The following PKD1 variants were observed in gnomAD, a reference collection of about 807,000 sequenced individuals.
The protein encoded by PKD1 is polycystin-1.
PKD1 carries 81 observed loss-of-function variants against 361.7 expected under a neutral mutation model. That is an observed-to-expected ratio of 0.22 (90% CI 0.19 to 0.27). The LOEUF is 0.27. Among genes scored for constraint, PKD1 ranks in the 10% least tolerant of loss-of-function variants. PKD1 has a pLI of 1.00. For synonymous variants in PKD1, 3,615 were observed against 2,818.3 expected, an observed-to-expected ratio of 1.28 and a Z score of -8.95; for missense variants, 6,399 against 6,118.3, an observed-to-expected ratio of 1.05 and a Z score of -1.53.
In PKD1 at chr16:2,113,200, G is replaced by A. The variant is rs1346394477; in HGVS notation, c.2946C>T (p.Phe982=). The change falls in exon 12 of 46, where the codon TTC becomes TTT. Residue 982 remains phenylalanine, a synonymous_variant. Transcript: ENST00000262304. ...CCGCCGCGCTCTGATAAATGACATT[G>A]AAGACCACGTTCTGGAAGGTCAGGG... ...KQSLTFQNVV[F]NVIYQSAAVF... is the part of the protein sequence containing the mutation. The A allele has an allele frequency of 3.9e-6, 5 of 1,296,622 alleles. No homozygotes were observed. The highest frequency in any genetic ancestry group is 1.7e-5 in the Admixed American group (1 of 58,808). 80.3% of individuals were successfully genotyped at this position (1,296,622 alleles called of 1,614,324 possible).
At position 2,111,930 on chromosome 16, in the gene PKD1, C is replaced by A. The variant is rs569675963; in HGVS notation, c.3296-59G>T. The A allele has an allele frequency of 3.8e-6, 6 of 1,583,456 alleles. No homozygotes were observed. In the Admixed American group the frequency reaches 8.5e-5, roughly 22 times the overall value. On this transcript the variant is annotated intron_variant, in intron 14 of 45. Coordinates refer to ENST00000262304, the MANE Select transcript of PKD1 (RefSeq NM_001009944.3). ...CACCCCCACCTGCTCCCCACCCGCT[C>A]GGCAGAAGCCCCCCGCCTGAGGAGC...
intron 26 of PKD1, 85 bp downstream of exon 26, chr16:2,101,976 C>A (rs1162230144): frequency 1.2e-6 from 1 of 826,278 alleles, no homozygotes; most frequent in Non-Finnish European, 2.0e-6. Flanking sequence ...GTTCTGACGC[C>A]TGCGACGAGA....
intron 16 of PKD1, chr16:2,107,297 A>T (rs942994591): frequency 1.3e-5 from 5 of 397,574 alleles, no homozygotes; most frequent in East Asian, 5.7e-5. Flanking sequence ...GGCCTGACTC[A>T]CAGACTCCTG....
chr16:2,089,822 G>T lies in PKD1; in HGVS notation c.12817C>A (p.Arg4273Ser), dbSNP rs144648696. The T allele has an allele frequency of 1.2e-6, 2 of 1,602,966 alleles. No individual in the cohort carries two copies. Among genetic ancestry groups the T allele is most frequent in the South Asian group, 1.1e-5 (1 of 89,718 alleles). Reference sequence around the variant, plus strand: ...ACACCCCGACTGGCCCGGGCAAGGCGGCTGGGCAGTGCTGGCCGCAGGCCC... The same window carrying T: ...ACACCCCGACTGGCCCGGGCAAGGCTGCTGGGCAGTGCTGGCCGCAGGCCC... ...SPGLRPALPS[R>S]LARASRGVDL... Residue 4273 changes from arginine (R) to serine (S), a missense_variant, in exon 46 of 46, where the codon CGC becomes AGC. Physicochemically the swap from Arg to Ser is moderately radical, Grantham distance 110. Coordinates refer to ENST00000262304, the MANE Select transcript of PKD1 (RefSeq NM_001009944.3).
rs762866943 is a variant in PKD1 at position 2,097,933 on chromosome 16, C to T, written c.10102G>A (p.Asp3368Asn). Reference sequence around the variant, plus strand: ...AGCACGGACGAGTCCAGGCAGCTGTCGATGTCCAGCACCTGCTGCCCGGCA... The same window carrying T: ...AGCACGGACGAGTCCAGGCAGCTGTTGATGTCCAGCACCTGCTGCCCGGCA... ...TPAGQQVLDI[D>N]SCLDSSVLDS... is the part of the protein sequence containing the mutation. Residue 3368 changes from aspartate (D) to asparagine (N), a missense_variant, in exon 31 of 46, where the codon GAC (aspartate) becomes AAC (asparagine). Coordinates refer to ENST00000262304, the MANE Select transcript of PKD1 (RefSeq NM_001009944.3). 120 of 1,603,350 alleles carry T rather than the reference C, an allele frequency of 7.5e-5. No individual in the cohort carries two copies. The East Asian group carries it at 1.9e-3, about 26-fold the overall frequency.
chr16:2,089,398 G>GC lies in PKD1; in HGVS notation c.*328dup. On this transcript the variant is annotated 3_prime_UTR_variant, in exon 46 of 46. Coordinates refer to ENST00000262304, the MANE Select transcript of PKD1 (RefSeq NM_001009944.3). Reference sequence around the variant, plus strand: ...ACCCTCCCTGAAGCCAGCAGCCTTAGCAGTGGGGGACATCTGCCCAGGGGG... The same window carrying GC: ...ACCCTCCCTGAAGCCAGCAGCCTTAGCCAGTGGGGGACATCTGCCCAGGGGG... 1 of 439,396 alleles carries GC rather than the reference G, an allele frequency of 2.3e-6. No individual in the cohort carries two copies. Among genetic ancestry groups the GC allele is most frequent in the East Asian group, 4.1e-5 (1 of 24,128 alleles). 27.2% of individuals were successfully genotyped at this position (439,396 alleles called of 1,614,324 possible). A position where few individuals can be genotyped will look rare whatever the true frequency, so the allele number is the denominator to read the frequency against.
In PKD1 at chr16:2,108,611, G is replaced by A. The variant is rs750426321; in HGVS notation, c.6556C>T (p.Arg2186Cys). 27 of 1,558,770 alleles carry A rather than the reference G, an allele frequency of 1.7e-5. No individual in the cohort carries two copies. Among genetic ancestry groups the A allele is most frequent in the South Asian group, 3.5e-5 (3 of 85,320 alleles). ...RDCVTYQTEY[R>C]WEVYRTASCQ... is the part of the protein sequence containing the mutation. ...CTGGCGGTGCGATACACCTCCCAGCGGTACTCAGTCTGGTAGGTGACGCAG... is the reference window on the plus strand; with the variant it reads ...CTGGCGGTGCGATACACCTCCCAGCAGTACTCAGTCTGGTAGGTGACGCAG... Residue 2186 changes from arginine to cysteine, a missense_variant, in exon 15 of 46, where the codon CGC (arginine) becomes TGC (cysteine). Coordinates refer to ENST00000262304, the MANE Select transcript of PKD1 (RefSeq NM_001009944.3).
chr16:2,091,371 G>A (rs1044370466), intron 42 of PKD1, 52 bp downstream of exon 42: 20 of 1,023,650 alleles, frequency 2.0e-5, no homozygotes, highest in African/African-American at 8.8e-5. Flanking sequence ...CCCCGCGAGG[G>A]GGCGGGACGC....
intron 1 of PKD1, among the ~76,000 whole-genome samples, chr16:2,125,143 G>A (rs1265235769): frequency 2.0e-5 from 3 of 152,248 alleles, no homozygotes; most frequent in Non-Finnish European, 2.9e-5. Context: ...AGAGTGAGGC[G>A]GCTTCCAGGG....
intron 24 of PKD1, 34 bp from the exon 25 acceptor site, chr16:2,102,667 G>T: frequency 6.2e-7 from 1 of 1,610,608 alleles, no homozygotes; most frequent in Non-Finnish European, 8.5e-7. Context: ...CGTGAGCCCA[G>T]GCTCCGCCAG....
rs774810119 is a variant in PKD1, at chr16:2,093,084, C to A, written c.11026G>T (p.Val3676Leu). 1 of 1,612,716 alleles carries A rather than the reference C, an allele frequency of 6.2e-7. No individual in the cohort carries two copies. The highest frequency in any genetic ancestry group is 8.5e-7 in the Non-Finnish European group (1 of 1,179,970). ...RLHGMLRSLL[V>L]YMLFLLVTLL... Reference sequence around the variant, plus strand: ...GTCACCAGCAGAAAAAGCATGTACACCAGGAGGCTCTGGTGGACGGGGGGG... The same window carrying A: ...GTCACCAGCAGAAAAAGCATGTACAACAGGAGGCTCTGGTGGACGGGGGGG... The change falls in exon 38 of 46, where the codon GTG (valine) becomes TTG (leucine). Residue 3676 changes from valine to leucine, a missense_variant. Coordinates refer to ENST00000262304, the MANE Select transcript of PKD1 (RefSeq NM_001009944.3).
rs776905934 is a variant in PKD1, at chr16:2,109,481, T to G, written c.5686A>C (p.Ser1896Arg). The G allele has an allele frequency of 5.6e-6, 9 of 1,609,408 alleles. No individual in the cohort carries two copies. In the South Asian group the frequency reaches 9.9e-5, roughly 18 times the overall value. Residue 1896 changes from serine to arginine, a missense_variant, in exon 15 of 46, where the codon AGC becomes CGC. Transcript: ENST00000262304. ...AGCTGCCCGGGCGCCACCACCTTGCTGCTGGCCCACAGCACCAGGCCCACG... is the reference window on the plus strand; with the variant it reads ...AGCTGCCCGGGCGCCACCACCTTGCGGCTGGCCCACAGCACCAGGCCCACG... The part of the protein sequence containing the change: ...PIVGLVLWAS[S>R]KVVAPGQLVH...
At position 2,104,490 on chromosome 16, in the gene PKD1, C is replaced by T. The variant is rs199569003; in HGVS notation, c.8161+8G>A. The stretch of plus-strand genomic sequence containing the variant: ...CGGGCGGGTGGCATGGGGCACGGGC[C>T]GCGGCACCTGTGATGTTGAGGATGC... On this transcript the variant is annotated splice_region_variant and intron_variant, in intron 22 of 45. Coordinates refer to ENST00000262304, the MANE Select transcript of PKD1 (RefSeq NM_001009944.3). 6.0e-3 allele frequency: 9,031 copies of T among 1,512,366 alleles called. 66 individuals carry two copies. The highest frequency in any genetic ancestry group is 6.5e-3 in the Non-Finnish European group (7,253 of 1,120,014). The allele number at this position is 1,512,366 out of a possible 1,614,324, so 93.7% of individuals were successfully genotyped here.
chr16:2,092,701 G>A (rs545580586), intron 38 of PKD1, 109 bp from the exon 39 acceptor site: 93 of 891,294 alleles, frequency 1.0e-4, no homozygotes, highest in African/African-American at 9.9e-4. Flanking sequence ...TGCTGGCCAC[G>A]GCTAGACCTG....
At position 2,089,778 on chromosome 16, in the gene PKD1, G is replaced by A. The variant is rs116820407; in HGVS notation, c.12861C>T (p.Pro4287=). ...ASRGVDLATG[P]SRTPLRAKNK... is the part of the protein sequence containing the mutation. Reference sequence around the variant, plus strand: ...TCTTGGCCCGAAGGGGTGTCCTGCTGGGGCCAGTGGCCAGGTCCACACCCC... The same window carrying A: ...TCTTGGCCCGAAGGGGTGTCCTGCTAGGGCCAGTGGCCAGGTCCACACCCC... The change falls in exon 46 of 46, where the codon CCC becomes CCT. Residue 4287 remains proline (P), a synonymous_variant. Transcript: ENST00000262304. 1.9e-6 allele frequency: 3 copies of A among 1,597,774 alleles called. No individual in the cohort carries two copies. The highest frequency in any genetic ancestry group is 1.1e-5 in the South Asian group (1 of 88,814).
intron 8 of PKD1, 28 bp from the exon 9 acceptor site, chr16:2,116,146 C>T (rs1190801155): frequency 1.1e-5 from 17 of 1,556,806 alleles, no homozygotes; most frequent in Middle Eastern, 2.3e-4. Flanking sequence ...GCCTCAGCTC[C>T]ACAGACCCCA....
chr16:2,088,867 G>C lies in PKD1; in HGVS notation c.*860C>G, dbSNP rs111648142. 1 of 497,944 alleles carries C rather than the reference G, an allele frequency of 2.0e-6. No homozygotes were observed. The highest frequency in any genetic ancestry group is 3.0e-5 in the African/African-American group (1 of 33,004). The allele number at this position is 497,944 out of a possible 1,614,324, so 30.8% of individuals were successfully genotyped here. ...GCTGCCTGGGCCATACAGCACACTC[G>C]CGCGTGCGCGCGCGCACACACACAC... is the stretch of plus-strand genomic sequence containing the variant. On this transcript the variant is annotated 3_prime_UTR_variant, in exon 46 of 46. Transcript: ENST00000262304.
chr16:2,119,082 G>C lies in PKD1; in HGVS notation c.359+32C>G, dbSNP rs750143724. Reference sequence around the variant, plus strand: ...AGGGATATTGGGGGCCTGGGGTCCAGCCAGGACCCCACCCAAAGAACCACA... The same window carrying C: ...AGGGATATTGGGGGCCTGGGGTCCACCCAGGACCCCACCCAAAGAACCACA... On this transcript the variant is annotated intron_variant, in intron 3 of 45. Coordinates refer to ENST00000262304, the MANE Select transcript of PKD1 (RefSeq NM_001009944.3). 7 of 1,106,328 alleles carry C rather than the reference G, an allele frequency of 6.3e-6. No individual in the cohort carries two copies. The South Asian group carries it at 6.4e-5, about 10-fold the overall frequency. 68.5% of individuals were successfully genotyped at this position (1,106,328 alleles called of 1,614,324 possible). A position where few individuals can be genotyped will look rare whatever the true frequency, so the allele number is the denominator to read the frequency against.
rs964269005 is a variant in PKD1 at position 2,090,805 on chromosome 16, C to T, written c.12007G>A (p.Ala4003Thr). ...SLLFLLLVKA[A>T]QQLRFVRQWS... ...TGGCGCACGAAGCGTAGCTGCTGGG[C>T]AGCCTGCGGACGAGAAATCTGTCTG... The change falls in exon 44 of 46, where the codon GCC (alanine) becomes ACC (threonine). Residue 4003 changes from alanine to threonine, a missense_variant. By Grantham distance (58) the Ala-to-Thr change is moderately conservative. Coordinates refer to ENST00000262304, the MANE Select transcript of PKD1 (RefSeq NM_001009944.3). 1 of 1,612,310 alleles carries T rather than the reference C, an allele frequency of 6.2e-7. No individual in the cohort carries two copies. The highest frequency in any genetic ancestry group is 1.3e-5 in the African/African-American group (1 of 74,938).
Sources: allele counts gnomAD v4.1 joint callset (sites outside exome capture counted in the v4.1 genomes callset), GRCh38; gene constraint gnomAD v4.1.1; transcripts MANE v1.5; gene names NCBI Gene and HGNC (gene_info 2026-07-23, HGNC 2026-07-21).